Variants in FAM81B observed in about 807,000 individuals in gnomAD.
The protein encoded by FAM81B is family with sequence similarity 81 member B.
In FAM81B, 60 loss-of-function variants were observed where a neutral mutation model predicts 58.7. That is an observed-to-expected ratio of 1.02 (90% CI 0.83 to 1.27). The LOEUF (loss-of-function observed/expected upper bound fraction) is 1.27. Ranked by LOEUF, FAM81B falls within the 50% of genes most tolerant of loss-of-function variation. The pLI is 0.00. For synonymous variants in FAM81B, 189 were observed against 179.6 expected (o/e 1.05, Z -0.42); for missense variants, 491 against 522.0 (o/e 0.94, Z 0.58).
At chr5:95,437,039 CAG>C in intron 7 of FAM81B, 133 bp downstream of exon 7, 1 of 605,118 alleles carries the variant, frequency 1.7e-6, no homozygotes, top group East Asian at 2.8e-5. Context: ...TGAACTAACA[CAG>C]AGAATATTTT....
At chr5:95,430,436 T>TA (rs139495883) in intron 6 of FAM81B, among the ~76,000 whole-genome samples, 131 of 145,524 alleles carry the variant, frequency 9.0e-4, no homozygotes, top group East Asian at 3.4e-3. Context: ...GCTATGCTTT[T>TA]AAAAAAAAAA....
At chr5:95,411,957 A>C (rs1340197082) in intron 3 of FAM81B, among the ~76,000 whole-genome samples, 1 of 152,246 alleles carries the variant, frequency 6.6e-6, no homozygotes, top group Non-Finnish European at 1.5e-5. Flanking sequence ...ACAGCATAGC[A>C]AATTGTGAAA....
At chr5:95,426,831 G>A (rs34188921) in intron 5 of FAM81B, among the ~76,000 whole-genome samples, 10,275 of 152,168 alleles carry the variant, frequency 0.068, 695 homozygotes, top group African/African-American at 0.17. Context: ...GGCCGATCAC[G>A]AGGTCAGGAG....
intron 3 of FAM81B, among the ~76,000 whole-genome samples, chr5:95,411,498 A>T (rs1246063628): frequency 6.6e-6 from 1 of 152,218 alleles, no homozygotes; most frequent in Non-Finnish European, 1.5e-5. Context: ...CAACAGTCAT[A>T]TGGGTATAAT....
At chr5:95,399,091 T>C (rs912099789) in intron 3 of FAM81B, among the ~76,000 whole-genome samples, 2 of 152,224 alleles carry the variant, frequency 1.3e-5, no homozygotes, top group Non-Finnish European at 2.9e-5. Flanking sequence ...AACTCAGGAA[T>C]TCTCTCAAGA....
chr5:95,448,333 T>A lies in FAM81B; in HGVS notation c.1094T>A (p.Ile365Asn), dbSNP rs1745662816. Residue 365 changes from isoleucine (I) to asparagine (N), a missense_variant, in exon 9 of 10, where the codon ATT becomes AAT. Coordinates refer to ENST00000283357, the MANE Select transcript of FAM81B (RefSeq NM_152548.3). ...CTTTCAAGCAAAGTAGAGAATTTCA[T>A]TAACACACAGAAACAGGAAACACAA... ...LQLSSKVENF[I>N]NTQKQETQLS... is the part of the protein sequence containing the mutation. 6.2e-7 allele frequency: 1 copy of A among 1,611,268 alleles called. No homozygotes were observed. The highest frequency in any genetic ancestry group is 1.1e-5 in the South Asian group (1 of 90,052).
At chr5:95,436,579 C>T (rs1745109299) in intron 6 of FAM81B, among the ~76,000 whole-genome samples, 1 of 152,194 alleles carries the variant, frequency 6.6e-6, no homozygotes, top group Non-Finnish European at 1.5e-5. Context: ...GAATGGAACA[C>T]TCCCTATTAT....
chr5:95,413,862 G>C (rs1762466247), intron 3 of FAM81B, 85 bp from the exon 4 acceptor site: 1 of 1,516,774 alleles, frequency 6.6e-7, no homozygotes, highest in Non-Finnish European at 8.8e-7. Context: ...TAAAGGATCA[G>C]AAGTGAGGAT....
chr5:95,428,402 T>G (rs369638430), intron 5 of FAM81B, among the ~76,000 whole-genome samples: 2 of 152,194 alleles, frequency 1.3e-5, no homozygotes, highest in Non-Finnish European at 2.9e-5. Context: ...TTTGAGCCAA[T>G]GCATTCAACC....
chr5:95,398,884 G>T (rs1196449547), intron 3 of FAM81B, among the ~76,000 whole-genome samples: 1 of 152,088 alleles, frequency 6.6e-6, no homozygotes, highest in East Asian at 1.9e-4. Flanking sequence ...AGGGGGCAAG[G>T]ATGGCTAGGG....
intron 3 of FAM81B, among the ~76,000 whole-genome samples, chr5:95,408,481 T>A (rs1762323704): frequency 6.6e-6 from 1 of 152,192 alleles, no homozygotes; most frequent in Non-Finnish European, 1.5e-5. Context: ...CCGGAAATCA[T>A]CCAACTTGGT....
rs556172400 is a variant in FAM81B, at chr5:95,436,712, T to C, written c.787-88T>C. On this transcript the variant is annotated intron_variant, in intron 6 of 9. Transcript: ENST00000283357. ...TAAAGGAATAAAGTATATTAATCTG[T>C]TTCCCGGCTCCTTAAAGGAATAAAG... 7.6e-5 allele frequency: 67 copies of C among 876,282 alleles called. No individual in the cohort carries two copies. In the African/African-American group the frequency reaches 9.4e-4, roughly 12 times the overall value. 54.3% of individuals were successfully genotyped at this position (876,282 alleles called of 1,614,324 possible).
intron 2 of FAM81B, 130 bp from the exon 3 acceptor site, chr5:95,395,980 AT>A (rs1357224862): frequency 1.2e-5 from 8 of 659,350 alleles, no homozygotes; most frequent in Admixed American, 6.6e-5. Flanking sequence ...CATGTGTAAG[AT>A]TAACTGAGCT....
At chr5:95,392,971 G>A in intron 2 of FAM81B, 74 bp downstream of exon 2, 2 of 1,300,254 alleles carry the variant, frequency 1.5e-6, no homozygotes, top group South Asian at 1.6e-5. Flanking sequence ...AGTGCTTAGA[G>A]AGTTTAAGAA....
chr5:95,401,055 C>G (rs956718612), intron 3 of FAM81B, among the ~76,000 whole-genome samples: 1 of 151,982 alleles, frequency 6.6e-6, no homozygotes, highest in Non-Finnish European at 1.5e-5. Flanking sequence ...TAAGTATGAC[C>G]CAGACATCCA....
At chr5:95,440,431 G>T in intron 7 of FAM81B, 1 of 653,404 alleles carries the variant, frequency 1.5e-6, no homozygotes, top group Non-Finnish European at 2.9e-6. Context: ...AAGGCAATTC[G>T]AATTTTGGTT....
At chr5:95,424,700 A>G (rs944177460) in intron 5 of FAM81B, among the ~76,000 whole-genome samples, 32 of 152,346 alleles carry the variant, frequency 2.1e-4, no homozygotes, top group African/African-American at 7.0e-4. Flanking sequence ...CAGAATTTTC[A>G]AAAGGCTTCA....
In FAM81B at chr5:95,420,332, A is replaced by G; in HGVS notation, c.586A>G (p.Asn196Asp). 1 of 1,613,856 alleles carries G rather than the reference A, an allele frequency of 6.2e-7. No homozygotes were observed. The highest frequency in any genetic ancestry group is 8.5e-7 in the Non-Finnish European group (1 of 1,179,746). ...TCGAGATCAGGCGGCCACAGGAACT[A>G]ACTTTGCAGTACACGAGATAAACAT... ...RARDQAATGTNFAVHEINIKH... is the reference protein window; with the variant it reads ...RARDQAATGTDFAVHEINIKH... The change falls in exon 5 of 10, where the codon AAC (asparagine) becomes GAC (aspartate). Residue 196 changes from asparagine to aspartate, a missense_variant. Transcript: ENST00000283357.
intron 4 of FAM81B, among the ~76,000 whole-genome samples, chr5:95,415,893 A>G (rs1447902431): frequency 1.3e-5 from 2 of 152,224 alleles, no homozygotes; most frequent in African/African-American, 4.8e-5. Context: ...ATAAGGAGAA[A>G]GTCTTTCTTT....
Sources: allele counts gnomAD v4.1 joint callset (sites outside exome capture counted in the v4.1 genomes callset), GRCh38; gene constraint gnomAD v4.1.1; transcripts MANE v1.5; gene names NCBI Gene and HGNC (gene_info 2026-07-23, HGNC 2026-07-21).